Variants in TMEM266 observed in about 807,000 individuals in gnomAD.
The protein encoded by TMEM266 is transmembrane protein 266.
In TMEM266, 33 loss-of-function variants were observed where a neutral mutation model predicts 50.5. The observed-to-expected ratio is 0.65, with a 90% CI of 0.50 to 0.87. TMEM266 has a LOEUF of 0.87. Ranked by LOEUF, TMEM266 falls within the 40% of genes least tolerant of loss-of-function variation. The pLI, the probability that TMEM266 is intolerant of heterozygous loss-of-function variation, is 0.00. For missense variants in TMEM266, 655 were observed against 695.1 expected (o/e 0.94, Z 0.65); for synonymous variants, 310 against 292.3 (o/e 1.06, Z -0.62).
At chr15:76,099,235 T>G (rs990976162) in intron 1 of TMEM266, among the ~76,000 whole-genome samples, 3 of 152,238 alleles carry the variant, frequency 2.0e-5, no homozygotes, top group Non-Finnish European at 4.4e-5. Flanking sequence ...GGGAATCTCC[T>G]GGTTTGCGTG....
At chr15:76,159,338 G>A (rs1194003318) in intron 4 of TMEM266, among the ~76,000 whole-genome samples, 1 of 152,204 alleles carries the variant, frequency 6.6e-6, no homozygotes, top group Non-Finnish European at 1.5e-5. Context: ...ATTTTAAAAG[G>A]GCTTTCCAAA....
At position 76,137,829 on chromosome 15, in the gene TMEM266, C is replaced by T; in HGVS notation, c.161C>T (p.Ala54Val). 1 of 1,613,288 alleles carries T rather than the reference C, an allele frequency of 6.2e-7. No homozygotes were observed. The highest frequency in any genetic ancestry group is 2.2e-5 in the East Asian group (1 of 44,870). The stretch of plus-strand genomic sequence containing the variant: ...GCCTATCGGGACTTGCCCCTGGCTG[C>T]TGTCGATCTCTCCACGGCGGGCTCG... The change falls in exon 3 of 11, where the codon GCT becomes GTT. Residue 54 changes from alanine (A) to valine (V), a missense_variant. Transcript: ENST00000388942.
chr15:76,190,308 AG>A (rs2142080321), intron 8 of TMEM266, among the ~76,000 whole-genome samples: 1 of 152,318 alleles, frequency 6.6e-6, no homozygotes, highest in East Asian at 1.9e-4. Context: ...TCTTGGGGTC[AG>A]GTCACGGGAG....
chr15:76,116,275 G>A (rs931825494), intron 1 of TMEM266, among the ~76,000 whole-genome samples: 1 of 109,574 alleles, frequency 9.1e-6, no homozygotes, highest in Non-Finnish European at 1.7e-5. Flanking sequence ...TTCCTCCGCA[G>A]TCTTTGTAGT....
At chr15:76,089,581 C>G (rs1436856206) in intron 1 of TMEM266, among the ~76,000 whole-genome samples, 3 of 152,126 alleles carry the variant, frequency 2.0e-5, no homozygotes, top group African/African-American at 7.2e-5. Flanking sequence ...AGATAAATTG[C>G]AAAAGGTTGT....
At chr15:76,112,322 T>G (rs1394294910) in intron 1 of TMEM266, among the ~76,000 whole-genome samples, 2 of 152,238 alleles carry the variant, frequency 1.3e-5, no homozygotes, top group African/African-American at 4.8e-5. Context: ...GTATCAATAT[T>G]GGTTCATCAG....
At chr15:76,172,354 G>A (rs62030166) in intron 7 of TMEM266, among the ~76,000 whole-genome samples, 18,690 of 152,216 alleles carry the variant, frequency 0.12, 1,453 homozygotes, top group African/African-American at 0.22. Flanking sequence ...TCTGGAGCAC[G>A]GTTTTAAAAC....
At chr15:76,202,375 C>A in intron 10 of TMEM266, 111 bp downstream of exon 10, 1 of 947,272 alleles carries the variant, frequency 1.1e-6, no homozygotes, top group Non-Finnish European at 1.6e-6. Flanking sequence ...GCCTGTGAAC[C>A]ATAACTGCAG....
At chr15:76,127,545 C>G (rs2037442746) in intron 1 of TMEM266, among the ~76,000 whole-genome samples, 1 of 152,080 alleles carries the variant, frequency 6.6e-6, no homozygotes, top group African/African-American at 2.4e-5. Flanking sequence ...AAGCTGGCCT[C>G]TTACTCCTGA....
intron 8 of TMEM266, 75 bp downstream of exon 8, chr15:76,175,749 T>G: frequency 8.0e-7 from 1 of 1,246,664 alleles, no homozygotes; most frequent in Non-Finnish European, 1.2e-6. Flanking sequence ...CATGGGTTGC[T>G]AGAGCTGCAG....
At chr15:76,174,412 G>A (rs569965896) in intron 7 of TMEM266, among the ~76,000 whole-genome samples, 12 of 152,138 alleles carry the variant, frequency 7.9e-5, no homozygotes, top group African/African-American at 2.4e-4. Flanking sequence ...TTAGCCAGGC[G>A]TGGTGGCGGG....
At chr15:76,104,118 A>G (rs1159726469) in intron 1 of TMEM266, among the ~76,000 whole-genome samples, 1 of 151,852 alleles carries the variant, frequency 6.6e-6, no homozygotes, top group African/African-American at 2.4e-5. Context: ...GAGGCAGGAG[A>G]ATAGCGGGAA....
intron 1 of TMEM266, among the ~76,000 whole-genome samples, chr15:76,108,631 A>T (rs1420735767): frequency 6.6e-6 from 1 of 152,162 alleles, no homozygotes. Context: ...CTTTGTGAAG[A>T]GCCTGGTCCA....
At chr15:76,061,014 T>C (rs940451849) in intron 1 of TMEM266, among the ~76,000 whole-genome samples, 3 of 152,222 alleles carry the variant, frequency 2.0e-5, no homozygotes, top group African/African-American at 7.2e-5. Context: ...AGACTGAATT[T>C]CTCTTCAGTG....
chr15:76,082,723 C>A (rs1292596830), intron 1 of TMEM266, among the ~76,000 whole-genome samples: 1 of 152,102 alleles, frequency 6.6e-6, no homozygotes, highest in Non-Finnish European at 1.5e-5. Context: ...AATCCCAGCA[C>A]TTTGGGAGGC....
intron 3 of TMEM266, among the ~76,000 whole-genome samples, chr15:76,147,599 C>A (rs559009942): frequency 6.6e-6 from 1 of 152,148 alleles, no homozygotes; most frequent in African/African-American, 2.4e-5. Flanking sequence ...TAGTAGGCTC[C>A]GGTTTCAAGG....
intron 9 of TMEM266, among the ~76,000 whole-genome samples, chr15:76,194,079 G>A (rs1261543027): frequency 6.6e-6 from 1 of 152,196 alleles, no homozygotes; most frequent in East Asian, 1.9e-4. Flanking sequence ...CTGAGTTTGT[G>A]GGGACCACTT....
chr15:76,160,376 C>G lies in TMEM266; in HGVS notation c.456+208C>G, dbSNP rs554946695. ...CCCAGCCAGGGGGGTTTGGCCCTAG[C>G]AGGTGATTCCTGGGAGGAACCCCAG... On this transcript the variant is annotated intron_variant, in intron 5 of 10. Coordinates refer to ENST00000388942, the MANE Select transcript of TMEM266 (RefSeq NM_152335.3). The surrounding 1 kb of genome is among the most constrained non-coding windows in gnomAD (Gnocchi z 5.7). 9.2e-4 allele frequency among the ~76,000 whole-genome samples: 140 copies of G among 152,322 alleles called. No individual in the cohort carries two copies. The highest frequency in any genetic ancestry group is 3.0e-3 in the African/African-American group (126 of 41,580).
At chr15:76,061,518 T>G (rs1193708175) in intron 1 of TMEM266, among the ~76,000 whole-genome samples, 1 of 152,208 alleles carries the variant, frequency 6.6e-6, no homozygotes, top group Non-Finnish European at 1.5e-5. Context: ...TACCTTTTCA[T>G]TAAAATCAAG....
Sources: gnomAD v4.1 joint callset for allele counts (sites outside exome capture counted in the v4.1 genomes callset) on GRCh38, gnomAD v4.1.1 for gene constraint, Gnocchi (gnomAD v3.1) non-coding constraint, MANE v1.5 for transcripts, NCBI Gene and HGNC (gene_info 2026-07-23, HGNC 2026-07-21) for gene names.